BICD1: variants seen among roughly 807,000 people sequenced by gnomAD.
BICD1 encodes protein bicaudal D homolog 1.
In BICD1, 35 loss-of-function variants were observed where a neutral mutation model predicts 92.5. The ratio of observed to expected loss-of-function variants is 0.38; its 90% CI spans 0.29 to 0.50. BICD1 has a LOEUF of 0.50. Among genes scored for constraint, BICD1 ranks in the 20% least tolerant of loss-of-function variants. BICD1 has a pLI of 0.93. For synonymous variants in BICD1, 429 were observed against 465.1 expected (o/e 0.92, Z 1.00); for missense variants, 950 against 1,189.8 (o/e 0.80, Z 2.97).
chr12:32,205,436 C>G (rs1252181602), intron 1 of BICD1, among the ~76,000 whole-genome samples: 1 of 152,162 alleles, frequency 6.6e-6, no homozygotes, highest in East Asian at 1.9e-4. Flanking sequence ...TAATGCTACT[C>G]AAATTGTACC....
chr12:32,207,409 G>T (rs1303340860), intron 1 of BICD1, among the ~76,000 whole-genome samples: 4 of 152,076 alleles, frequency 2.6e-5, no homozygotes, highest in Admixed American at 2.6e-4. Flanking sequence ...GGTTATCACA[G>T]AATATTTAGT....
intron 1 of BICD1, among the ~76,000 whole-genome samples, chr12:32,134,038 C>A (rs942864976): frequency 7.9e-5 from 12 of 152,086 alleles, no homozygotes; most frequent in Non-Finnish European, 1.6e-4. Flanking sequence ...ACCTCGGCCT[C>A]CCAAAGTGCT....
chr12:32,216,137 A>C (rs161975), intron 1 of BICD1, 110 bp from the exon 2 acceptor site: 15 of 1,031,634 alleles, frequency 1.5e-5, no homozygotes, highest in African/African-American at 3.2e-5. Context: ...GGGGTCTTGC[A>C]GGGTAGCTTT....
chr12:32,375,393 G>GT (rs1939914474), intron 9 of BICD1, among the ~76,000 whole-genome samples: 1 of 152,074 alleles, frequency 6.6e-6, no homozygotes, highest in Non-Finnish European at 1.5e-5. Flanking sequence ...AGCCGGACGC[G>GT]GTGGTGGGCC....
intron 8 of BICD1, among the ~76,000 whole-genome samples, chr12:32,357,010 TG>T (rs1228062186): frequency 2.4e-5 from 3 of 124,022 alleles, no homozygotes; most frequent in Admixed American, 9.5e-5. Context: ...CAGATTCTCC[TG>T]CTTTTTTTTT....
chr12:32,129,945 A>G (rs545250574), intron 1 of BICD1, among the ~76,000 whole-genome samples: 1 of 152,350 alleles, frequency 6.6e-6, no homozygotes, highest in African/African-American at 2.4e-5. Context: ...AATGAAAAAG[A>G]ACAGTTTGGA....
intron 1 of BICD1, among the ~76,000 whole-genome samples, chr12:32,156,583 G>A (rs1426188851): frequency 6.6e-6 from 1 of 152,196 alleles, no homozygotes; most frequent in East Asian, 1.9e-4. Context: ...GAGCAACCTA[G>A]ATCATTTCCC....
At chr12:32,208,440 G>A (rs1945124629) in intron 1 of BICD1, among the ~76,000 whole-genome samples, 1 of 152,196 alleles carries the variant, frequency 6.6e-6, no homozygotes. Flanking sequence ...AGAATGTTAT[G>A]TAATTTGCCC....
intron 8 of BICD1, among the ~76,000 whole-genome samples, chr12:32,348,865 C>A (rs1480883400): frequency 1.3e-5 from 2 of 151,034 alleles, no homozygotes; most frequent in African/African-American, 4.9e-5. Context: ...CTGAAGTGAC[C>A]AGCCTCCACC....
At chr12:32,276,008 G>T (rs1447529814) in intron 2 of BICD1, among the ~76,000 whole-genome samples, 2 of 152,164 alleles carry the variant, frequency 1.3e-5, no homozygotes, top group African/African-American at 2.4e-5. Flanking sequence ...CTTGGAAGCG[G>T]CTTGCCACCA....
intron 1 of BICD1, among the ~76,000 whole-genome samples, chr12:32,126,399 CTT>C (rs1257070541): frequency 6.6e-6 from 1 of 151,832 alleles, no homozygotes; most frequent in Admixed American, 6.6e-5. Context: ...CTGCAGCTCT[CTT>C]TGAAGACACT....
At chr12:32,129,115 T>A (rs1253045980) in intron 1 of BICD1, among the ~76,000 whole-genome samples, 3 of 152,012 alleles carry the variant, frequency 2.0e-5, no homozygotes, top group Non-Finnish European at 4.4e-5. Context: ...TTTGTATTTT[T>A]ATAGAGATGG....
intron 1 of BICD1, among the ~76,000 whole-genome samples, chr12:32,169,435 T>C (rs1943868257): frequency 6.6e-6 from 1 of 152,026 alleles, no homozygotes; most frequent in South Asian, 2.1e-4. Flanking sequence ...GGACCCATTT[T>C]TTCCATTAAT....
At chr12:32,192,275 CA>C (rs1251152351) in intron 1 of BICD1, among the ~76,000 whole-genome samples, 3 of 150,048 alleles carry the variant, frequency 2.0e-5, no homozygotes, top group African/African-American at 4.9e-5. Flanking sequence ...ACTAAAAATA[CA>C]AAAAAAAAGT....
At chr12:32,189,698 ATTTTT>A (rs199713940) in intron 1 of BICD1, among the ~76,000 whole-genome samples, 1 of 140,548 alleles carries the variant, frequency 7.1e-6, no homozygotes. Flanking sequence ...AAGTGTAGTA[ATTTTT>A]TTTTTTTTTT....
At chr12:32,127,907 CTTT>C (rs369889963) in intron 1 of BICD1, among the ~76,000 whole-genome samples, 2 of 143,726 alleles carry the variant, frequency 1.4e-5, no homozygotes, top group Admixed American at 7.0e-5. Context: ...TGATCTAATT[CTTT>C]TTTTTTTTTT....
intron 1 of BICD1, among the ~76,000 whole-genome samples, chr12:32,121,012 A>C (rs57639670): frequency 0.014 from 1,822 of 130,336 alleles, 54 homozygotes; most frequent in African/African-American, 0.051. Context: ...GCTATTGCCC[A>C]GGCTGGAGTG....
rs1450428145 is a variant in BICD1, at chr12:32,379,364, A to G, written c.*1737A>G. ...GCAACCAGGACGTTTTGTGTTCTTT[A>G]TATGAGTGCTATTTTCCACAGTGTC... On this transcript the variant is annotated 3_prime_UTR_variant, in exon 10 of 10. Coordinates refer to ENST00000652176, the MANE Select transcript of BICD1 (RefSeq NM_001714.4). The G allele has an allele frequency of 6.6e-6, 1 of 152,212 alleles. No individual in the cohort carries two copies. The highest frequency in any genetic ancestry group is 2.4e-5 in the African/African-American group (1 of 41,462). 9.4% of individuals were successfully genotyped at this position (152,212 alleles called of 1,614,324 possible).
intron 1 of BICD1, among the ~76,000 whole-genome samples, chr12:32,168,410 T>C (rs1033432296): frequency 2.6e-5 from 4 of 151,572 alleles, no homozygotes; most frequent in Non-Finnish European, 4.4e-5. Flanking sequence ...CAGATGAGGG[T>C]CCAGGGCAAG....
Sources: allele counts gnomAD v4.1 joint callset (sites outside exome capture counted in the v4.1 genomes callset), GRCh38; gene constraint gnomAD v4.1.1; transcripts MANE v1.5; gene names NCBI Gene and HGNC (gene_info 2026-07-23, HGNC 2026-07-21).